CALN1: variants seen among roughly 807,000 people sequenced by gnomAD.
CALN1 encodes the protein calcium-binding protein 8.
A neutral mutation model predicts 30.6 loss-of-function variants in CALN1; 17 were observed. The ratio of observed to expected loss-of-function variants is 0.56; its 90% confidence interval spans 0.38 to 0.83. The LOEUF is 0.83. CALN1 is among the 40% of genes least tolerant of loss of function. The probability of loss-of-function intolerance (pLI) is 0.00; values close to 1 mark genes in which losing one functional copy is unlikely to be tolerated. For missense variants in CALN1, 291 were observed against 354.9 expected, an observed-to-expected ratio of 0.82 and a Z score of 1.45; for synonymous variants, 156 against 131.4, an observed-to-expected ratio of 1.19 and a Z score of -1.28.
chr7:72,109,627 C>G (rs1807418204), intron 3 of CALN1, among the ~76,000 whole-genome samples: 1 of 152,184 alleles, frequency 6.6e-6, no homozygotes, highest in Non-Finnish European at 1.5e-5. Flanking sequence ...CTACCAAGTC[C>G]CGACTGGCCT....
At chr7:72,259,574 C>T (rs1796138034) in intron 3 of CALN1, among the ~76,000 whole-genome samples, 1 of 152,082 alleles carries the variant, frequency 6.6e-6, no homozygotes, top group African/African-American at 2.4e-5. Context: ...TTAAGCTAAG[C>T]GGGAATCCCA....
chr7:72,001,343 G>GCA (rs1799519416), intron 5 of CALN1, among the ~76,000 whole-genome samples: 1 of 152,256 alleles, frequency 6.6e-6, no homozygotes, highest in African/African-American at 2.4e-5. Context: ...TCGTGTATGT[G>GCA]CACTAAGTGG....
intron 5 of CALN1, among the ~76,000 whole-genome samples, chr7:71,921,522 G>C (rs1335355903): frequency 6.6e-6 from 1 of 151,918 alleles, no homozygotes; most frequent in Non-Finnish European, 1.5e-5. Context: ...AATGAGAAGA[G>C]AAAGAAGAAG....
chr7:72,456,661 G>A, the CALN1 span, among the ~76,000 whole-genome samples: 1 of 152,038 alleles, frequency 6.6e-6, no homozygotes, highest in Non-Finnish European at 1.5e-5. Context: ...AGACAAGCCT[G>A]GGCAACATAT....
intron 3 of CALN1, among the ~76,000 whole-genome samples, chr7:72,206,502 G>A (rs1190330459): frequency 1.3e-5 from 2 of 151,968 alleles, no homozygotes; most frequent in Non-Finnish European, 2.9e-5. Flanking sequence ...TTGAAATTTT[G>A]CCAAATTAAT....
chr7:72,122,317 C>G (rs1808454126), intron 3 of CALN1, among the ~76,000 whole-genome samples: 1 of 152,136 alleles, frequency 6.6e-6, no homozygotes, highest in African/African-American at 2.4e-5. Context: ...CATAGATATG[C>G]AGGCCAGAAG....
chr7:72,338,469 C>CTGTGTGTGTG (rs1562903665), intron 2 of CALN1, among the ~76,000 whole-genome samples: 4 of 41,984 alleles, frequency 9.5e-5, no homozygotes, highest in South Asian at 8.7e-4. Context: ...GCCAGCAGCA[C>CTGTGTGTGTG]AGTGTGTGTG....
chr7:72,084,305 T>A (rs896702376), intron 4 of CALN1, among the ~76,000 whole-genome samples: 1 of 152,072 alleles, frequency 6.6e-6, no homozygotes, highest in African/African-American at 2.4e-5. Context: ...ACACTCCACA[T>A]ATGAAAACTA....
chr7:72,368,476 T>C (rs1259145622), intron 2 of CALN1, among the ~76,000 whole-genome samples: 3 of 151,736 alleles, frequency 2.0e-5, no homozygotes, highest in Admixed American at 6.6e-5. Flanking sequence ...ATCATTCAAA[T>C]TTTCCCAATT....
chr7:72,440,772 A>G (rs1808320445), intron 1 of CALN1, among the ~76,000 whole-genome samples: 1 of 152,182 alleles, frequency 6.6e-6, no homozygotes, highest in East Asian at 1.9e-4. Flanking sequence ...GGTTGCAGTG[A>G]GCTGAGATCG....
chr7:72,207,957 G>C (rs866573800), intron 3 of CALN1, among the ~76,000 whole-genome samples: 13 of 152,080 alleles, frequency 8.5e-5, no homozygotes, highest in African/African-American at 3.1e-4. Context: ...AAATCTCTGT[G>C]AAACTCCAGT....
upstream of CALN1, among the ~76,000 whole-genome samples, chr7:72,413,291 A>T (rs1279807991): frequency 6.6e-6 from 1 of 150,488 alleles, no homozygotes; most frequent in Non-Finnish European, 1.5e-5. Flanking sequence ...CACACACCAC[A>T]TGTACACACA....
intron 5 of CALN1, among the ~76,000 whole-genome samples, chr7:71,978,268 T>TC (rs1482160929): frequency 8.8e-6 from 1 of 113,944 alleles, no homozygotes; most frequent in East Asian, 2.4e-4. Flanking sequence ...AATTCTTTTT[T>TC]TTTTTTTTTT....
chr7:72,430,335 T>TTATA (rs200641799), intron 1 of CALN1, among the ~76,000 whole-genome samples: 3 of 148,762 alleles, frequency 2.0e-5, no homozygotes, highest in Admixed American at 6.7e-5. Flanking sequence ...GATATAATAA[T>TTATA]TATATATATA....
chr7:72,066,682 G>C (rs565172078), intron 4 of CALN1, among the ~76,000 whole-genome samples: 2 of 152,012 alleles, frequency 1.3e-5, no homozygotes, highest in African/African-American at 4.8e-5. Context: ...GCGCCATCAC[G>C]GCTCACTGCA....
At chr7:72,380,384 C>T (rs373991999) in intron 2 of CALN1, among the ~76,000 whole-genome samples, 3 of 152,244 alleles carry the variant, frequency 2.0e-5, no homozygotes, top group East Asian at 3.9e-4. Context: ...ACCTATAATA[C>T]CAACACTTTG....
intron 3 of CALN1, among the ~76,000 whole-genome samples, chr7:72,248,690 G>C (rs1795350029): frequency 6.6e-6 from 1 of 151,870 alleles, no homozygotes; most frequent in Non-Finnish European, 1.5e-5. Context: ...TGTACTTTTT[G>C]CCATATAAAG....
chr7:72,073,825 C>T (rs1036501682), intron 4 of CALN1, among the ~76,000 whole-genome samples: 2 of 152,144 alleles, frequency 1.3e-5, no homozygotes, highest in Non-Finnish European at 2.9e-5. Flanking sequence ...TCCTGAGTAG[C>T]TGGGACTACC....
At chr7:71,954,605 T>C (rs1796864434) in intron 5 of CALN1, among the ~76,000 whole-genome samples, 1 of 152,234 alleles carries the variant, frequency 6.6e-6, no homozygotes, top group Non-Finnish European at 1.5e-5. Context: ...TGAGCTGTGA[T>C]CACGCCACTG....
Sources: gnomAD v4.1 joint callset for allele counts (sites outside exome capture counted in the v4.1 genomes callset) on GRCh38, gnomAD v4.1.1 for gene constraint, MANE v1.5 for transcripts, NCBI Gene and HGNC (gene_info 2026-07-23, HGNC 2026-07-21) for gene names.